FBN2: variants seen among roughly 807,000 people sequenced by gnomAD.
The protein encoded by FBN2 is fibrillin-2.
Under a neutral mutation model 355.6 loss-of-function variants are expected in FBN2, and 105 were observed. That is an observed-to-expected ratio of 0.30 (90% CI 0.25 to 0.35). FBN2 has a LOEUF of 0.35. FBN2 is among the 10% of genes least tolerant of loss of function. The pLI is 1.00. For missense variants in FBN2, 3,280 were observed against 3,758.7 expected (o/e 0.87, Z 3.33); for synonymous variants, 1,350 against 1,301.2 (o/e 1.04, Z -0.81).
At chr5:128,318,028 G>C in intron 36 of FBN2, 121 bp downstream of exon 36, 1 of 1,038,016 alleles carries the variant, frequency 9.6e-7, no homozygotes, top group South Asian at 1.3e-5. Context: ...CAATAAAGGC[G>C]ACCACATAAT....
intron 25 of FBN2, among the ~76,000 whole-genome samples, chr5:128,343,812 T>C (rs970957995): frequency 7.2e-5 from 11 of 152,236 alleles, no homozygotes; most frequent in Non-Finnish European, 1.5e-4. Context: ...TAGTCATATA[T>C]TTTGAAAATC....
In FBN2 at chr5:128,259,823, G is replaced by C. The variant is rs1561734070; in HGVS notation, c.8371C>G (p.Gln2791Glu). Residue 2791 changes from glutamine to glutamate, a missense_variant, in exon 65 of 65, where the codon CAG (glutamine) becomes GAG (glutamate). This residue lies in a region of FBN2 where 311 missense variants were observed against 319.1 expected (regional missense o/e 0.97). Transcript: ENST00000262464. ...ATGTCGACACTCTCTAGGCTGATCT[G>C]TTCAACCTGGAGGAAGAACAGGAAA... The part of the protein sequence containing the change: ...IHEPDPTAVE[Q>E]ISLESVDMDS... 1 of 1,613,534 alleles carries C rather than the reference G, an allele frequency of 6.2e-7. No individual in the cohort carries two copies. Among genetic ancestry groups the C allele is most frequent in the Non-Finnish European group, 8.5e-7 (1 of 1,179,906 alleles).
In FBN2 at chr5:128,364,638, CTG is replaced by C. The variant is rs1751720989; in HGVS notation, c.2388_2389del (p.Asn796LysfsTer4). The C allele has an allele frequency of 6.2e-7, 1 of 1,613,588 alleles. No homozygotes were observed. Among genetic ancestry groups the C allele is most frequent in the African/African-American group, 1.3e-5 (1 of 74,918 alleles). On this transcript the variant is annotated frameshift_variant, in exon 18 of 65. Transcript: ENST00000262464. LOFTEE classifies it high-confidence loss of function. ...TCCAGAGGCATCTGGTTCATAGCCA[CTG>C]TTGCAATTACAACGGTAACTACCAC...
At chr5:128,384,855 A>C (rs971741069) in intron 11 of FBN2, among the ~76,000 whole-genome samples, 7 of 152,040 alleles carry the variant, frequency 4.6e-5, no homozygotes, top group African/African-American at 1.7e-4. Context: ...ATGTGCAAAC[A>C]TGGAGTACAT....
In FBN2 at chr5:128,333,000, G is replaced by T; in HGVS notation, c.4134C>A (p.Cys1378Ter). ...TATTCAGACATGAGGCATGCATGTC[G>T]CAGTTATGAGCACCAATTTCACACT... is the stretch of plus-strand genomic sequence containing the variant. ...VDECEIGAHN[C>*]DMHASCLNIP... The change falls in exon 32 of 65, where the codon TGC becomes TGA. Residue 1378 changes from cysteine to a stop codon, truncating the protein, a stop_gained. Transcript: ENST00000262464. LOFTEE classifies it high-confidence loss of function. 1 of 1,610,506 alleles carries T rather than the reference G, an allele frequency of 6.2e-7. No individual in the cohort carries two copies. The highest frequency in any genetic ancestry group is 8.5e-7 in the Non-Finnish European group (1 of 1,176,864).
chr5:128,294,541 G>C (rs1353997941), intron 48 of FBN2, among the ~76,000 whole-genome samples: 2 of 150,488 alleles, frequency 1.3e-5, no homozygotes, highest in African/African-American at 4.9e-5. Flanking sequence ...TAACTGGTGT[G>C]AGATGGTATC....
chr5:128,536,798 A>C (rs553926051), intron 1 of FBN2, among the ~76,000 whole-genome samples: 2 of 152,140 alleles, frequency 1.3e-5, no homozygotes, highest in Non-Finnish European at 2.9e-5. Context: ...GAACAAAGGG[A>C]CCATTCCGTT....
At chr5:128,263,903 G>A (rs1765049086) in intron 62 of FBN2, among the ~76,000 whole-genome samples, 1 of 152,056 alleles carries the variant, frequency 6.6e-6, no homozygotes, top group African/African-American at 2.4e-5. Flanking sequence ...GCAGCCCTTG[G>A]GAACAGATAT....
chr5:128,398,871 C>T (rs922148724), intron 8 of FBN2, among the ~76,000 whole-genome samples: 9 of 152,176 alleles, frequency 5.9e-5, no homozygotes, highest in Non-Finnish European at 1.3e-4. Context: ...ACAGGAGTTT[C>T]CCTGCACAAG....
intron 7 of FBN2, among the ~76,000 whole-genome samples, chr5:128,409,021 A>G (rs546518819): frequency 3.8e-4 from 58 of 152,270 alleles, no homozygotes; most frequent in African/African-American, 1.3e-3. Context: ...AGGCCAACTA[A>G]AGCAGAACTC....
Position 128,393,314 on chromosome 5 carries a change from C to T in FBN2, c.1286G>A (p.Ser429Asn), listed in dbSNP as rs749969520. The T allele has an allele frequency of 3.1e-6, 5 of 1,614,202 alleles. No homozygotes were observed. The highest frequency in any genetic ancestry group is 4.2e-6 in the Non-Finnish European group (5 of 1,180,024). Residue 429 changes from serine to asparagine, a missense_variant, in exon 10 of 65, where the codon AGT becomes AAT. Around this residue, in one of 6 missense-constraint regions of FBN2, gnomAD observed 343 missense variants for 331.0 expected, o/e 1.04. Transcript: ENST00000262464. ...DGLPMGGIPGSAGSRPGGTGG... is the reference protein window; with the variant it reads ...DGLPMGGIPGNAGSRPGGTGG... ...AGTGCCTCCAGGTCTGGAACCAGCACTCCCTGGAATTCCTCCCATTGGAAG... is the reference window on the plus strand; with the variant it reads ...AGTGCCTCCAGGTCTGGAACCAGCATTCCCTGGAATTCCTCCCATTGGAAG...
At chr5:128,486,764 C>A (rs1158952989) in intron 5 of FBN2, among the ~76,000 whole-genome samples, 1 of 152,066 alleles carries the variant, frequency 6.6e-6, no homozygotes, top group Non-Finnish European at 1.5e-5. Context: ...TAATGCCATC[C>A]CTCCCCCATC....
chr5:128,495,563 A>G (rs1182112857), intron 5 of FBN2, among the ~76,000 whole-genome samples: 1 of 152,186 alleles, frequency 6.6e-6, no homozygotes, highest in African/African-American at 2.4e-5. Context: ...TTTTTATCAT[A>G]ACAATTAAGG....
intron 19 of FBN2, 109 bp from the exon 20 acceptor site, chr5:128,357,504 AT>A: frequency 7.8e-7 from 1 of 1,290,310 alleles, no homozygotes; most frequent in Non-Finnish European, 1.1e-6. Context: ...GGCTCTGGTA[AT>A]TTTAATATGG....
At chr5:128,458,749 A>G (rs1318410819) in intron 6 of FBN2, among the ~76,000 whole-genome samples, 1 of 152,196 alleles carries the variant, frequency 6.6e-6, no homozygotes, top group Non-Finnish European at 1.5e-5. Context: ...TTTGAAACTA[A>G]TAAGATCAAA....
chr5:128,500,430 CTTTTTTTTTT>C (rs149068555), intron 5 of FBN2, among the ~76,000 whole-genome samples: 24 of 51,192 alleles, frequency 4.7e-4, no homozygotes, highest in African/African-American at 1.5e-3. Flanking sequence ...TCTGACAATT[CTTTTTTTTTT>C]TTTTTTTTTT....
At chr5:128,446,854 G>A (rs1330704346) in intron 6 of FBN2, among the ~76,000 whole-genome samples, 1 of 152,158 alleles carries the variant, frequency 6.6e-6, no homozygotes, top group African/African-American at 2.4e-5. Context: ...CCATCCTGTT[G>A]TGGGAAGTCA....
chr5:128,443,687 C>A (rs1221999289), intron 7 of FBN2, among the ~76,000 whole-genome samples: 5 of 151,968 alleles, frequency 3.3e-5, no homozygotes, highest in African/African-American at 1.2e-4. Flanking sequence ...ACTTAAAGAC[C>A]AAAAAAGGTT....
At chr5:128,526,629 C>A (rs1161290149) in intron 4 of FBN2, among the ~76,000 whole-genome samples, 1 of 152,154 alleles carries the variant, frequency 6.6e-6, no homozygotes, top group Admixed American at 6.6e-5. Flanking sequence ...ACAAACCAGT[C>A]ACCCAAGGAC....
Sources: gnomAD v4.1 joint callset for allele counts (sites outside exome capture counted in the v4.1 genomes callset) on GRCh38, gnomAD v4.1.1 for gene constraint, gnomAD v4.1.1 regional missense constraint, MANE v1.5 for transcripts, NCBI Gene and HGNC (gene_info 2026-07-23, HGNC 2026-07-21) for gene names.